Variants in ATP13A4 observed in about 807,000 individuals in gnomAD.
The protein encoded by ATP13A4 is probable cation-transporting ATPase 13A4.
A neutral mutation model predicts 142.5 loss-of-function variants in ATP13A4; 114 were observed. That is an observed-to-expected ratio of 0.80 (90% CI 0.69 to 0.93). ATP13A4 has a LOEUF of 0.93. Ranked by LOEUF, ATP13A4 falls within the 40% of genes least tolerant of loss-of-function variation. ATP13A4 has a pLI of 0.00. For synonymous variants in ATP13A4, 488 were observed against 514.8 expected, an observed-to-expected ratio of 0.95 and a Z score of 0.70; for missense variants, 1,392 against 1,454.0, an observed-to-expected ratio of 0.96 and a Z score of 0.69.
intron 25 of ATP13A4, among the ~76,000 whole-genome samples, chr3:193,421,793 A>C (rs1182561645): frequency 6.7e-6 from 1 of 149,776 alleles, no homozygotes; most frequent in Non-Finnish European, 1.5e-5. Context: ...AGCTATAGCA[A>C]ATACACAAAC....
intron 17 of ATP13A4, among the ~76,000 whole-genome samples, chr3:193,453,759 G>C (rs747664434): frequency 5.3e-5 from 8 of 151,424 alleles, no homozygotes; most frequent in Admixed American, 2.0e-4. Flanking sequence ...TTTAAATGGG[G>C]GCATGACCAC....
chr3:193,582,560 A>G (rs1278418966), intron 1 of ATP13A4, among the ~76,000 whole-genome samples: 8 of 135,594 alleles, frequency 5.9e-5, no homozygotes, highest in Non-Finnish European at 1.1e-4. Context: ...TATGTATTAT[A>G]TATAATACAT....
intron 10 of ATP13A4, 108 bp downstream of exon 10, chr3:193,467,207 AT>A (rs1718342766): frequency 1.8e-5 from 21 of 1,154,972 alleles, no homozygotes; most frequent in South Asian, 1.2e-4. Context: ...AATTAAAAAA[AT>A]ATGATTATAA....
chr3:193,585,543 A>G (rs1724651986), intron 1 of ATP13A4, among the ~76,000 whole-genome samples: 1 of 152,044 alleles, frequency 6.6e-6, no homozygotes, highest in South Asian at 2.1e-4. Flanking sequence ...TGTGTGGCCC[A>G]AGACAATTCT....
chr3:193,404,633 T>C (rs903750985), intron 29 of ATP13A4, among the ~76,000 whole-genome samples: 2 of 152,128 alleles, frequency 1.3e-5, no homozygotes, highest in Admixed American at 6.6e-5. Flanking sequence ...CTCTTCCTCC[T>C]GCTCGGGCCA....
In ATP13A4 at chr3:193,419,359, G is replaced by C. The variant is rs78261117; in HGVS notation, c.2843-4609C>G. On this transcript the variant is annotated intron_variant, in intron 25 of 29. Coordinates refer to ENST00000342695, the MANE Select transcript of ATP13A4 (RefSeq NM_032279.4). ...CTGCCTCCTGAAGAAACAATGCCTTGGCAAAGTGGTCCAACTACCCCTCCC... is the reference window on the plus strand; with the variant it reads ...CTGCCTCCTGAAGAAACAATGCCTTCGCAAAGTGGTCCAACTACCCCTCCC... 5.5e-3 allele frequency among the ~76,000 whole-genome samples: 828 copies of C among 150,250 alleles called. 45 individuals are homozygous for C. The highest frequency in any genetic ancestry group is 0.019 in the African/African-American group (796 of 40,868).
intron 7 of ATP13A4, among the ~76,000 whole-genome samples, chr3:193,485,488 G>T (rs1719556067): frequency 6.6e-6 from 1 of 152,166 alleles, no homozygotes; most frequent in Non-Finnish European, 1.5e-5. Context: ...GTGTACAGTG[G>T]AGACGTCCAG....
At chr3:193,518,504 G>A (rs911314326) in intron 1 of ATP13A4, among the ~76,000 whole-genome samples, 1 of 152,236 alleles carries the variant, frequency 6.6e-6, no homozygotes. Context: ...GGCTGCCTCT[G>A]TTGGGGAAAG....
intron 26 of ATP13A4, 151 bp from the exon 27 acceptor site, chr3:193,412,522 C>T: frequency 1.6e-6 from 1 of 619,906 alleles, no homozygotes; most frequent in Non-Finnish European, 2.8e-6. Flanking sequence ...CACACACACA[C>T]ACACACACAC....
chr3:193,441,011 C>T (rs111495526), intron 20 of ATP13A4, among the ~76,000 whole-genome samples: 4,374 of 150,262 alleles, frequency 0.029, 210 homozygotes, highest in African/African-American at 0.099. Context: ...ATCTCTCTCT[C>T]TCTCTCTATA....
At chr3:193,455,325 A>G (rs1276811033) in intron 16 of ATP13A4, among the ~76,000 whole-genome samples, 1 of 135,976 alleles carries the variant, frequency 7.4e-6, no homozygotes, top group Non-Finnish European at 1.5e-5. Context: ...TGGGCAACAG[A>G]GCGAGACTCC....
chr3:193,563,733 A>G (rs2108737847), intron 2 of ATP13A4, among the ~76,000 whole-genome samples: 1 of 152,312 alleles, frequency 6.6e-6, no homozygotes, highest in Non-Finnish European at 1.5e-5. Context: ...TTATTTCTTT[A>G]AGATTATTTA....
chr3:193,484,108 C>A, intron 7 of ATP13A4, 103 bp from the exon 8 acceptor site: 2 of 972,134 alleles, frequency 2.1e-6, no homozygotes, highest in Non-Finnish European at 3.3e-6. Context: ...TGTCTTACTG[C>A]CAGTTGAATG....
chr3:193,483,555 C>A (rs1349334314), intron 8 of ATP13A4, among the ~76,000 whole-genome samples: 1 of 152,142 alleles, frequency 6.6e-6, no homozygotes, highest in Non-Finnish European at 1.5e-5. Flanking sequence ...AGCTCCGCCT[C>A]CCGGGTTCAT....
intron 26 of ATP13A4, among the ~76,000 whole-genome samples, chr3:193,413,789 G>A (rs1576935568): frequency 6.6e-6 from 1 of 152,296 alleles, no homozygotes; most frequent in Admixed American, 6.5e-5. Flanking sequence ...TGCTTAAGAT[G>A]TTTATCAAGA....
intron 7 of ATP13A4, among the ~76,000 whole-genome samples, chr3:193,486,155 G>T (rs1719603099): frequency 6.6e-6 from 1 of 151,378 alleles, no homozygotes; most frequent in Non-Finnish European, 1.5e-5. Context: ...ATGTTTAAAA[G>T]ATTAAAAACT....
Position 193,462,816 on chromosome 3 carries a change from G to C in ATP13A4, c.1469C>G (p.Thr490Ser), listed in dbSNP as rs1718030685. 2.5e-6 allele frequency: 4 copies of C among 1,613,810 alleles called. No homozygotes were observed. The highest frequency in any genetic ancestry group is 3.4e-6 in the Non-Finnish European group (4 of 1,179,826). ...LNLVCFDKTGTLTRDGLDLWG... is the reference protein window; with the variant it reads ...LNLVCFDKTGSLTRDGLDLWG... ...GAGGTCCAAGCCGTCCCTTGTTAAG[G>C]TGCCTGTCTAAACAGAAACAAATGC... Residue 490 changes from threonine (T) to serine (S), a missense_variant, in exon 13 of 30, where the codon ACC becomes AGC. Physicochemically the swap from Thr to Ser is moderately conservative, Grantham distance 58. Coordinates refer to ENST00000342695, the MANE Select transcript of ATP13A4 (RefSeq NM_032279.4).
chr3:193,528,699 A>G (rs1037447905), intron 1 of ATP13A4, among the ~76,000 whole-genome samples: 2 of 152,192 alleles, frequency 1.3e-5, no homozygotes, highest in Non-Finnish European at 2.9e-5. Context: ...TCTTATTACT[A>G]CAGAAGCAAT....
intron 3 of ATP13A4, among the ~76,000 whole-genome samples, chr3:193,498,936 A>T (rs1000156830): frequency 1.3e-5 from 2 of 152,200 alleles, no homozygotes; most frequent in Non-Finnish European, 2.9e-5. Flanking sequence ...TGCTCAATAC[A>T]TTTTTTTATT....
Sources: gnomAD v4.1 joint callset for allele counts (sites outside exome capture counted in the v4.1 genomes callset) on GRCh38, gnomAD v4.1.1 for gene constraint, MANE v1.5 for transcripts, NCBI Gene and HGNC (gene_info 2026-07-23, HGNC 2026-07-21) for gene names.